C14orf180: variants seen among roughly 807,000 people sequenced by gnomAD.
The protein encoded by C14orf180 is nutritionally-regulated adipose and cardiac enriched protein homolog.
A neutral mutation model predicts 13.9 loss-of-function variants in C14orf180; 13 were observed. The observed-to-expected ratio is 0.94, with a 90% CI of 0.61 to 1.49. The LOEUF is 1.49. Ranked by LOEUF, C14orf180 falls within the 40% of genes most tolerant of loss-of-function variation. The pLI is 0.00. For synonymous variants in C14orf180, 113 were observed against 106.3 expected, an observed-to-expected ratio of 1.06 and a Z score of -0.39; for missense variants, 238 against 232.0, an observed-to-expected ratio of 1.03 and a Z score of -0.17.
chr14:104,588,467 G>T, intron 4 of C14orf180, 111 bp from the exon 5 acceptor site: 1 of 1,459,800 alleles, frequency 6.9e-7, no homozygotes, highest in Non-Finnish European at 9.3e-7. Flanking sequence ...GCTAGGGAGG[G>T]GCCATGGGCA....
rs776402908 is a variant in C14orf180, at chr14:104,588,739, C to T, written c.439C>T (p.Arg147Trp). 56 of 1,535,602 alleles carry T rather than the reference C, an allele frequency of 3.6e-5. No homozygotes were observed. Among genetic ancestry groups the T allele is most frequent in the South Asian group, 4.8e-5 (4 of 83,970 alleles). The change falls in exon 5 of 5, where the codon CGG becomes TGG. Residue 147 changes from arginine to tryptophan, a missense_variant. Coordinates refer to ENST00000557649, the MANE Select transcript of C14orf180 (RefSeq NM_001008404.3). ...GCTCCTCGGCCTTGTCCTGCACCTG[C>T]GGCACGTGGCCCTCACCTGCTGGCG... is the stretch of plus-strand genomic sequence containing the variant. ...ARLLGLVLHL[R>W]HVALTCWRGL...
chr14:104,587,952 C>A, intron 3 of C14orf180, 74 bp downstream of exon 3: 2 of 1,502,504 alleles, frequency 1.3e-6, no homozygotes, highest in Non-Finnish European at 1.8e-6. Context: ...ACCGGCCACA[C>A]CCACACAGCT....
intron 1 of C14orf180, among the ~76,000 whole-genome samples, chr14:104,583,388 G>A (rs930233119): frequency 6.6e-6 from 1 of 152,142 alleles, no homozygotes; most frequent in African/African-American, 2.4e-5. Flanking sequence ...TTCCCTCCCC[G>A]AGTGATGCCA....
intron 3 of C14orf180, 105 bp from the exon 4 acceptor site, chr14:104,588,168 TG>T: frequency 2.9e-6 from 4 of 1,391,100 alleles, no homozygotes; most frequent in Non-Finnish European, 4.1e-6. Context: ...CTCTCACTGA[TG>T]AATAGTCTCA....
intron 2 of C14orf180, 54 bp downstream of exon 2, chr14:104,586,595 T>A: frequency 8.6e-7 from 1 of 1,168,388 alleles, no homozygotes; most frequent in South Asian, 1.6e-5. Flanking sequence ...CACTGGGGGC[T>A]GGAGGGGGCA....
Position 104,588,866 on chromosome 14 carries a change from T to C in C14orf180, c.*83T>C, listed in dbSNP as rs747570680. 8.0e-6 allele frequency: 12 copies of C among 1,494,304 alleles called. No individual in the cohort carries two copies. Among genetic ancestry groups the C allele is most frequent in the South Asian group, 1.3e-5 (1 of 78,744 alleles). 92.6% of individuals were successfully genotyped at this position (1,494,304 alleles called of 1,614,324 possible). The stretch of plus-strand genomic sequence containing the variant: ...TCCGAGACAGCCTGAGCCCTGGCCC[T>C]GCTGCTTGGTGAATCATGGGGGCCA... On this transcript the variant is annotated 3_prime_UTR_variant, in exon 5 of 5. Coordinates refer to ENST00000557649, the MANE Select transcript of C14orf180 (RefSeq NM_001008404.3).
chr14:104,588,880 T>C lies in C14orf180; in HGVS notation c.*97T>C, dbSNP rs1279844615. 6.7e-7 allele frequency: 1 copy of C among 1,485,216 alleles called. No homozygotes were observed. The highest frequency in any genetic ancestry group is 2.2e-5 in the Admixed American group (1 of 45,558). The allele number at this position is 1,485,216 out of a possible 1,614,324, so 92.0% of individuals were successfully genotyped here. A position where few individuals can be genotyped will look rare whatever the true frequency, so the allele number is the denominator to read the frequency against. ...AGCCCTGGCCCTGCTGCTTGGTGAA[T>C]CATGGGGGCCAAAAGGGGCTGCTGC... On this transcript the variant is annotated 3_prime_UTR_variant, in exon 5 of 5. Transcript: ENST00000557649.
At position 104,588,634 on chromosome 14, in the gene C14orf180, G is replaced by A. The variant is rs541764061; in HGVS notation, c.334G>A (p.Val112Ile). ...GSLLLQLCVC[V>I]LLVLALGLYC... The stretch of plus-strand genomic sequence containing the variant: ...CCTGCTCCTGCAGCTGTGTGTGTGC[G>A]TCCTGCTCGTGCTGGCCCTGGGCCT... The change falls in exon 5 of 5, where the codon GTC (valine) becomes ATC (isoleucine). Residue 112 changes from valine (V) to isoleucine (I), a missense_variant. Coordinates refer to ENST00000557649, the MANE Select transcript of C14orf180 (RefSeq NM_001008404.3). 43 of 1,516,280 alleles carry A rather than the reference G, an allele frequency of 2.8e-5. No individual in the cohort carries two copies. The highest frequency in any genetic ancestry group is 2.7e-4 in the East Asian group (11 of 40,430). The allele number at this position is 1,516,280 out of a possible 1,614,324, so 93.9% of individuals were successfully genotyped here.
At chr14:104,587,945 G>A (rs1205388716) in intron 3 of C14orf180, 67 bp downstream of exon 3, 44 of 1,520,960 alleles carry the variant, frequency 2.9e-5, no homozygotes, top group South Asian at 1.1e-4. Flanking sequence ...CGGGGACACC[G>A]GCCACACCCA....
chr14:104,586,633 C>T, intron 2 of C14orf180, 92 bp downstream of exon 2: 2 of 681,158 alleles, frequency 2.9e-6, no homozygotes, highest in Non-Finnish European at 4.5e-6. Context: ...AAAGGCCATC[C>T]TCCACCCCAG....
intron 1 of C14orf180, among the ~76,000 whole-genome samples, chr14:104,585,895 C>T (rs1322650397): frequency 3.3e-5 from 5 of 152,152 alleles, no homozygotes; most frequent in Non-Finnish European, 5.9e-5. Flanking sequence ...AGGGGCGCCC[C>T]ACCAGCACCA....
At position 104,588,325 on chromosome 14, in the gene C14orf180, A is replaced by G. The variant is rs747983760; in HGVS notation, c.277+16A>G. On this transcript the variant is annotated intron_variant, in intron 4 of 4. Coordinates refer to ENST00000557649, the MANE Select transcript of C14orf180 (RefSeq NM_001008404.3). ...ACTGTCAGGGGTGAGTTCTGAGCCC[A>G]CATCCCTGTGCCCCACTGCCCCCTC... 1.2e-6 allele frequency: 2 copies of G among 1,612,312 alleles called. No homozygotes were observed. The highest frequency in any genetic ancestry group is 1.7e-6 in the Non-Finnish European group (2 of 1,179,964).
At chr14:104,587,359 A>G (rs1293639794) in intron 2 of C14orf180, among the ~76,000 whole-genome samples, 1 of 152,120 alleles carries the variant, frequency 6.6e-6, no homozygotes, top group African/African-American at 2.4e-5. Flanking sequence ...CCCCTGCCCC[A>G]TAGAGCTTGC....
At position 104,585,613 on chromosome 14, in the gene C14orf180, A is replaced by C. The variant is rs560961933; in HGVS notation, c.-16-802A>C. 8.5e-5 allele frequency among the ~76,000 whole-genome samples: 13 copies of C among 152,294 alleles called. No homozygotes were observed. In the East Asian group the frequency reaches 2.5e-3, roughly 29 times the overall value. On this transcript the variant is annotated intron_variant, in intron 1 of 4. Transcript: ENST00000557649. The stretch of plus-strand genomic sequence containing the variant: ...AACAGAGGAGGGGACAGAGAGACAG[A>C]GATAGAGGTAGAGAGATAGAGAGAG...
chr14:104,582,332 G>A (rs949556558), intron 1 of C14orf180, among the ~76,000 whole-genome samples: 1 of 152,120 alleles, frequency 6.6e-6, no homozygotes, highest in Non-Finnish European at 1.5e-5. Flanking sequence ...CCCACTGCAG[G>A]CTGGTCTCGA....
intron 1 of C14orf180, among the ~76,000 whole-genome samples, chr14:104,585,657 G>A (rs1886590937): frequency 6.6e-6 from 1 of 151,776 alleles, no homozygotes; most frequent in Non-Finnish European, 1.5e-5. Context: ...AGAGGAAGGG[G>A]GACAGAGACA....
chr14:104,588,402 G>A, intron 4 of C14orf180, 93 bp downstream of exon 4: 1 of 1,568,144 alleles, frequency 6.4e-7, no homozygotes, highest in Non-Finnish European at 8.8e-7. Flanking sequence ...CACAGGGCCA[G>A]GGCCTCTAAG....
chr14:104,584,036 C>T (rs1207478854), intron 1 of C14orf180, among the ~76,000 whole-genome samples: 4 of 152,224 alleles, frequency 2.6e-5, no homozygotes, highest in African/African-American at 7.2e-5. Flanking sequence ...TGCACTCACA[C>T]ACGTGCACAC....
In C14orf180 at chr14:104,588,744, C is replaced by T. The variant is rs556768142; in HGVS notation, c.444C>T (p.His148=). The part of the protein sequence containing the change: ...RLLGLVLHLR[H]VALTCWRGLL... ...TCGGCCTTGTCCTGCACCTGCGGCA[C>T]GTGGCCCTCACCTGCTGGCGCGGCC... Residue 148 remains histidine, a synonymous_variant, in exon 5 of 5, where the codon CAC becomes CAT. Transcript: ENST00000557649. 1.3e-4 allele frequency: 192 copies of T among 1,535,662 alleles called. 2 individuals carry two copies. The highest frequency in any genetic ancestry group is 5.7e-4 in the South Asian group (48 of 83,952).
Sources: allele counts gnomAD v4.1 joint callset (sites outside exome capture counted in the v4.1 genomes callset), GRCh38; gene constraint gnomAD v4.1.1; transcripts MANE v1.5; gene names NCBI Gene and HGNC (gene_info 2026-07-23, HGNC 2026-07-21).